ADA: variants seen among roughly 807,000 people sequenced by gnomAD.
ADA encodes the protein adenosine aminohydrolase.
Under a neutral mutation model 49.0 loss-of-function variants are expected in ADA, and 45 were observed. That is an observed-to-expected ratio of 0.92 (90% CI 0.72 to 1.18). The LOEUF is 1.18. Ranked by LOEUF, ADA falls within the 50% of genes most tolerant of loss-of-function variation. The pLI is 0.00. For synonymous variants in ADA, 173 were observed against 184.2 expected, an observed-to-expected ratio of 0.94 and a Z score of 0.49; for missense variants, 445 against 472.5, an observed-to-expected ratio of 0.94 and a Z score of 0.54.
intron 3 of ADA, among the ~76,000 whole-genome samples, chr20:44,628,525 CAATAAATAAATAAATAAATA>C (rs3091476): frequency 7.8e-4 from 117 of 149,372 alleles, no homozygotes; most frequent in African/African-American, 2.8e-3. Context: ...GACTCTGTCT[CAATAAATAAATAAATAAATA>C]AATAAATAAA....
rs1054856350 is a variant in ADA at position 44,637,899 on chromosome 20, G to T, written c.34-1611C>A. Among the ~76,000 whole-genome samples, 3 of 152,272 alleles carry T rather than the reference G, an allele frequency of 2.0e-5. No homozygotes were observed. In the East Asian group the frequency reaches 5.8e-4, roughly 29 times the overall value. ...CACCCAGCCAAACGTCTGTTTCTCG[G>T]GTTCTCAAAATATGCTCAGCATTGG... is the stretch of plus-strand genomic sequence containing the variant. On this transcript the variant is annotated intron_variant, in intron 1 of 11. Coordinates refer to ENST00000372874, the MANE Select transcript of ADA (RefSeq NM_000022.4).
At chr20:44,627,160 G>C (rs12480490) in intron 3 of ADA, among the ~76,000 whole-genome samples, 4,046 of 150,606 alleles carry the variant, frequency 0.027, 200 homozygotes, top group Admixed American at 0.14. Context: ...CCTCCTCAGA[G>C]AGGCCTTCCC....
At chr20:44,626,237 A>T (rs547497257) in intron 4 of ADA, 38 of 670,692 alleles carry the variant, frequency 5.7e-5, no homozygotes, top group East Asian at 5.0e-4. Context: ...ACACAGCCAA[A>T]CACTTGTGCC....
At chr20:44,626,951 C>T (rs1262604269) in intron 3 of ADA, among the ~76,000 whole-genome samples, 3 of 152,164 alleles carry the variant, frequency 2.0e-5, no homozygotes, top group African/African-American at 7.2e-5. Context: ...CCAGTAGCTT[C>T]CTGCCACGGA....
At position 44,628,924 on chromosome 20, in the gene ADA, T is replaced by C; in HGVS notation, c.218+123A>G. On this transcript the variant is annotated intron_variant, in intron 3 of 11. Transcript: ENST00000372874. ...GGAGAGACTCACTAAGTGTACACAATGGTGAGAAAGACAGCTGTGGTTTCA... is the reference window on the plus strand; with the variant it reads ...GGAGAGACTCACTAAGTGTACACAACGGTGAGAAAGACAGCTGTGGTTTCA... 4.1e-6 allele frequency: 6 copies of C among 1,463,640 alleles called. No individual in the cohort carries two copies. The Admixed American group carries it at 5.1e-5, about 12-fold the overall frequency. The allele number at this position is 1,463,640 out of a possible 1,614,324, so 90.7% of individuals were successfully genotyped here.
chr20:44,622,499 G>A (rs1322513127), intron 9 of ADA, 89 bp downstream of exon 9: 75 of 1,474,432 alleles, frequency 5.1e-5, no homozygotes, highest in East Asian at 1.2e-4. Flanking sequence ...TAAAAGACGC[G>A]GCATGGGCTG....
At chr20:44,635,244 T>C (rs2065469579) in intron 2 of ADA, among the ~76,000 whole-genome samples, 1 of 152,134 alleles carries the variant, frequency 6.6e-6, no homozygotes, top group African/African-American at 2.4e-5. Flanking sequence ...CTAGCATCTC[T>C]GAGAGCTGAG....
intron 1 of ADA, among the ~76,000 whole-genome samples, chr20:44,637,779 G>A (rs2065493884): frequency 6.6e-6 from 1 of 152,194 alleles, no homozygotes; most frequent in Admixed American, 6.5e-5. Context: ...GATCTCTCCT[G>A]AGGTCATCCA....
At chr20:44,647,901 AGT>A (rs1316647488) in intron 1 of ADA, among the ~76,000 whole-genome samples, 1 of 151,962 alleles carries the variant, frequency 6.6e-6, no homozygotes, top group African/African-American at 2.4e-5. Context: ...TGGGCAACAG[AGT>A]GAGACTGCGG....
At position 44,626,488 on chromosome 20, in the gene ADA, G is replaced by A. The variant is rs1258132836; in HGVS notation, c.330C>T (p.Ser110=). 6.2e-7 allele frequency: 1 copy of A among 1,614,102 alleles called. No homozygotes were observed. Among genetic ancestry groups the A allele is most frequent in the South Asian group, 1.1e-5 (1 of 91,084 alleles). Residue 110 remains serine (S), a synonymous_variant, in exon 4 of 12, where the codon TCC becomes TCT. Transcript: ENST00000372874. The stretch of plus-strand genomic sequence containing the variant: ...GGTTCCAGGGGATTGGCTCCACTTT[G>A]GAGTTGGCCAGCAGGTGCGGACTGT... ...VRYSPHLLAN[S]KVEPIPWNQA...
At chr20:44,638,000 C>A (rs1292132831) in intron 1 of ADA, among the ~76,000 whole-genome samples, 2 of 152,196 alleles carry the variant, frequency 1.3e-5, no homozygotes, top group Non-Finnish European at 2.9e-5. Context: ...ACTCTCTGAG[C>A]CTCTGTTTTC....
At chr20:44,623,726 TTTC>T (rs1341539571) in intron 6 of ADA, among the ~76,000 whole-genome samples, 1 of 146,692 alleles carries the variant, frequency 6.8e-6, no homozygotes, top group Non-Finnish European at 1.5e-5. Flanking sequence ...TTTCTTTCTC[TTTC>T]TTTTCTCTTT....
rs1431542620 is a variant in ADA at position 44,639,570 on chromosome 20, G to T, written c.34-3282C>A. On this transcript the variant is annotated intron_variant, in intron 1 of 11. Coordinates refer to ENST00000372874, the MANE Select transcript of ADA (RefSeq NM_000022.4). The stretch of plus-strand genomic sequence containing the variant: ...TGGGACTACAGGCACCCACCACCAT[G>T]CCCAGCTAATTTTTGTATTTTTAGT... 2.6e-5 allele frequency among the ~76,000 whole-genome samples: 4 copies of T among 152,110 alleles called. No homozygotes were observed. In the East Asian group the frequency reaches 7.8e-4, roughly 30 times the overall value.
intron 1 of ADA, among the ~76,000 whole-genome samples, chr20:44,643,861 G>C (rs1374298135): frequency 6.6e-6 from 1 of 152,134 alleles, no homozygotes; most frequent in African/African-American, 2.4e-5. Flanking sequence ...CCCACTATGT[G>C]CCAGGCACCG....
chr20:44,624,823 A>G (rs758278335), intron 5 of ADA, among the ~76,000 whole-genome samples: 1 of 152,270 alleles, frequency 6.6e-6, no homozygotes, highest in Non-Finnish European at 1.5e-5. Context: ...GAAAGAATGA[A>G]TGAACACAGG....
chr20:44,626,516 C>T lies in ADA; in HGVS notation c.302G>A (p.Arg101Gln), dbSNP rs121908714. The change falls in exon 4 of 12, where the codon CGG becomes CAG. Residue 101 changes from arginine (R) to glutamine (Q), a missense_variant. Physicochemically the swap from Arg to Gln is conservative, Grantham distance 43. Coordinates refer to ENST00000372874, the MANE Select transcript of ADA (RefSeq NM_000022.4). ...GTTGGCCAGCAGGTGCGGACTGTAC[C>T]GCACCTCCACATACACCACGCCCTC... ...AKEGVVYVEV[R>Q]YSPHLLANSK... 24 of 1,614,024 alleles carry T rather than the reference C, an allele frequency of 1.5e-5. No individual in the cohort carries two copies. Among genetic ancestry groups the T allele is most frequent in the Non-Finnish European group, 2.0e-5 (24 of 1,180,026 alleles).
chr20:44,620,329 C>A lies in ADA; in HGVS notation c.1048G>T (p.Ala350Ser), dbSNP rs1398663736. The change falls in exon 11 of 12, where the codon GCC becomes TCC. Residue 350 changes from alanine (A) to serine (S), a missense_variant. Ala to Ser is a moderately conservative substitution (Grantham distance 99). Coordinates refer to ENST00000372874, the MANE Select transcript of ADA (RefSeq NM_000022.4). ...KRELLDLLYKAYGMPPSASAG... is the reference protein window; with the variant it reads ...KRELLDLLYKSYGMPPSASAG... The stretch of plus-strand genomic sequence containing the variant: ...GAGGCTGAAGGTGGCATCCCATAGG[C>A]TTTATAGAGCAGGTCGAGAAGCTCC... 6.2e-7 allele frequency: 1 copy of A among 1,614,200 alleles called. No homozygotes were observed. Among genetic ancestry groups the A allele is most frequent in the African/African-American group, 1.3e-5 (1 of 75,060 alleles).
chr20:44,621,429 C>T (rs768347759), intron 9 of ADA, among the ~76,000 whole-genome samples: 16 of 151,874 alleles, frequency 1.1e-4, no homozygotes, highest in Non-Finnish European at 2.4e-4. Flanking sequence ...CCGGTGGGGG[C>T]GTGGGGGTGG....
chr20:44,624,657 C>A (rs1383225349), intron 5 of ADA, among the ~76,000 whole-genome samples: 1 of 152,228 alleles, frequency 6.6e-6, no homozygotes, highest in Non-Finnish European at 1.5e-5. Context: ...CCTGGTGTTT[C>A]CAACAACACT....
Sources: allele counts gnomAD v4.1 joint callset (sites outside exome capture counted in the v4.1 genomes callset), GRCh38; gene constraint gnomAD v4.1.1; transcripts MANE v1.5; gene names NCBI Gene and HGNC (gene_info 2026-07-23, HGNC 2026-07-21).